WWOX: variants seen among roughly 807,000 people sequenced by gnomAD.
The protein encoded by WWOX is WW domain-containing oxidoreductase.
A neutral mutation model predicts 46.2 loss-of-function variants in WWOX; 69 were observed. That is an observed-to-expected ratio of 1.49 (90% CI 1.23 to 1.82). The LOEUF is 1.82. Ranked by LOEUF, WWOX falls within the 40% of genes most tolerant of loss-of-function variation. The probability of loss-of-function intolerance (pLI) is 0.00; values close to 1 mark genes in which losing one functional copy is unlikely to be tolerated. For missense variants in WWOX, 919 were observed against 542.6 expected (o/e 1.69, Z -6.89); for synonymous variants, 359 against 202.6 (o/e 1.77, Z -6.56).
At chr16:79,128,190 A>C (rs753341334) in intron 8 of WWOX, among the ~76,000 whole-genome samples, 3 of 152,230 alleles carry the variant, frequency 2.0e-5, no homozygotes, top group African/African-American at 7.2e-5. Flanking sequence ...ACGCCCTGCC[A>C]GAATCATTTG....
At chr16:78,277,773 G>A (rs1379125111) in intron 5 of WWOX, among the ~76,000 whole-genome samples, 1 of 152,180 alleles carries the variant, frequency 6.6e-6, no homozygotes, top group Non-Finnish European at 1.5e-5. Context: ...TTCCCCCCGG[G>A]TGTGAAGGAA....
At chr16:78,819,814 G>C (rs1299737354) in intron 8 of WWOX, among the ~76,000 whole-genome samples, 1 of 152,212 alleles carries the variant, frequency 6.6e-6, no homozygotes, top group Non-Finnish European at 1.5e-5. Flanking sequence ...CAATATCTCT[G>C]ATGGTTAAGA....
At chr16:78,404,938 C>G (rs1367703475) in intron 6 of WWOX, among the ~76,000 whole-genome samples, 1 of 152,212 alleles carries the variant, frequency 6.6e-6, no homozygotes, top group East Asian at 1.9e-4. Flanking sequence ...GCCCATTGCA[C>G]TAAGTGCCAT....
intron 8 of WWOX, among the ~76,000 whole-genome samples, chr16:79,094,197 A>T (rs1176720810): frequency 6.7e-6 from 1 of 150,124 alleles, no homozygotes; most frequent in Non-Finnish European, 1.5e-5. Flanking sequence ...CCGATATTTC[A>T]TTACCACTTT....
chr16:78,267,867 G>T (rs968966825), intron 5 of WWOX, among the ~76,000 whole-genome samples: 5 of 152,106 alleles, frequency 3.3e-5, no homozygotes, highest in African/African-American at 1.2e-4. Context: ...AGCCTCCCAG[G>T]AGTGCCATGG....
rs189496125 is a variant in WWOX, at chr16:79,051,285, C to T, written c.1057-160323C>T. Among the ~76,000 whole-genome samples the T allele has an allele frequency of 1.4e-3, 210 of 152,268 alleles. 1 individual carries two copies. The highest frequency in any genetic ancestry group is 6.8e-3 in the Middle Eastern group (2 of 294). On this transcript the variant is annotated intron_variant, in intron 8 of 8. Transcript: ENST00000566780. ...TCACCAATAATTTTTGCATCATGCG[C>T]AGGAGACCCTACTAAAACCTAAGTG...
intron 8 of WWOX, among the ~76,000 whole-genome samples, chr16:78,564,330 G>T (rs1320386561): frequency 6.6e-6 from 1 of 152,184 alleles, no homozygotes; most frequent in Non-Finnish European, 1.5e-5. Flanking sequence ...TCAGCTGTAG[G>T]CCTGGTATGC....
At chr16:78,123,440 G>C (rs145400612) in intron 4 of WWOX, 12 of 50,478 alleles carry the variant, frequency 2.4e-4, no homozygotes, top group African/African-American at 9.2e-4. Context: ...TTTTTGTTTT[G>C]TTTTTTTTTT....
At chr16:78,115,766 A>C (rs1297237144) in intron 4 of WWOX, among the ~76,000 whole-genome samples, 1 of 152,186 alleles carries the variant, frequency 6.6e-6, no homozygotes, top group African/African-American at 2.4e-5. Context: ...GGAGCAAACC[A>C]TAACTCTTCA....
intron 8 of WWOX, among the ~76,000 whole-genome samples, chr16:78,767,883 T>TC (rs2049962860): frequency 6.6e-6 from 1 of 152,172 alleles, no homozygotes; most frequent in African/African-American, 2.4e-5. Context: ...TTTTTGATAC[T>TC]CACATGGCTT....
chr16:78,531,830 C>T (rs2043630644), intron 8 of WWOX, among the ~76,000 whole-genome samples: 2 of 152,130 alleles, frequency 1.3e-5, no homozygotes, highest in East Asian at 1.9e-4. Flanking sequence ...TGAACTCCAG[C>T]CTGGGCGACA....
At chr16:78,814,707 TG>T (rs1229674736) in intron 8 of WWOX, among the ~76,000 whole-genome samples, 1 of 152,150 alleles carries the variant, frequency 6.6e-6, no homozygotes. Flanking sequence ...TCAGGTATTT[TG>T]GGGGAAAAAG....
At position 78,349,999 on chromosome 16, in the gene WWOX, C is replaced by T. The variant is rs544197240; in HGVS notation, c.517-36861C>T. 3.3e-5 allele frequency among the ~76,000 whole-genome samples: 4 copies of T among 121,248 alleles called. 2 individuals carry two copies. The highest frequency in any genetic ancestry group is 1.1e-4 in the African/African-American group (4 of 35,812). The allele number at this position is 121,248 out of a possible 152,430, so 79.5% of individuals were successfully genotyped here. A position where few individuals can be genotyped will look rare whatever the true frequency, so the allele number is the denominator to read the frequency against. On this transcript the variant is annotated intron_variant, in intron 5 of 8. Transcript: ENST00000566780. ...ATGCCTGCATTTGTACACTCTTAAG[C>T]CAAATAACATCGTACTGTGTATTAT...
At chr16:78,191,270 T>C (rs1323598121) in intron 5 of WWOX, among the ~76,000 whole-genome samples, 5 of 152,194 alleles carry the variant, frequency 3.3e-5, no homozygotes, top group African/African-American at 1.2e-4. Context: ...GCACCCAGCC[T>C]GGTGAACAGG....
chr16:78,968,640 C>G (rs1035852983), intron 8 of WWOX, among the ~76,000 whole-genome samples: 1 of 152,180 alleles, frequency 6.6e-6, no homozygotes. Flanking sequence ...ACAAAAAGCA[C>G]AAGCCCCAGC....
chr16:78,615,584 G>T (rs921147503), intron 8 of WWOX, among the ~76,000 whole-genome samples: 1 of 151,968 alleles, frequency 6.6e-6, no homozygotes. Flanking sequence ...CTGAGCCCAG[G>T]AGTTGGAGGT....
chr16:78,193,890 T>A (rs7404591), intron 5 of WWOX, among the ~76,000 whole-genome samples: 2 of 151,554 alleles, frequency 1.3e-5, no homozygotes, highest in African/African-American at 4.8e-5. Flanking sequence ...TTTATTTTTA[T>A]TTTTTGAGAC....
intron 8 of WWOX, chr16:79,205,791 G>A (rs1473346792): frequency 6.6e-6 from 1 of 152,198 alleles, no homozygotes; most frequent in Non-Finnish European, 1.5e-5. Flanking sequence ...ACTGTGTTAG[G>A]AATCATTGGA....
chr16:79,050,699 C>T (rs2048150217), intron 8 of WWOX, among the ~76,000 whole-genome samples: 1 of 152,110 alleles, frequency 6.6e-6, no homozygotes, highest in Non-Finnish European at 1.5e-5. Flanking sequence ...TTGAAAAAAT[C>T]AATCTGGCGA....
Sources: gnomAD v4.1 joint callset for allele counts (sites outside exome capture counted in the v4.1 genomes callset) on GRCh38, gnomAD v4.1.1 for gene constraint, MANE v1.5 for transcripts, NCBI Gene and HGNC (gene_info 2026-07-23, HGNC 2026-07-21) for gene names.